The following RIN3 variants were observed in gnomAD, a reference collection of about 807,000 sequenced individuals.
RIN3 encodes RAB5 interacting protein 3.
RIN3 carries 54 observed loss-of-function variants against 76.3 expected under a neutral mutation model. The observed-to-expected ratio is 0.71, with a 90% CI of 0.57 to 0.89. RIN3 has a LOEUF of 0.89. Ranked by LOEUF, RIN3 falls within the 40% of genes least tolerant of loss-of-function variation. The pLI is 0.00. For synonymous variants in RIN3, 576 were observed against 564.0 expected (o/e 1.02, Z -0.30); for missense variants, 1,256 against 1,322.1 (o/e 0.95, Z 0.78).
intron 8 of RIN3, among the ~76,000 whole-genome samples, chr14:92,684,438 A>G (rs975707331): frequency 4.0e-5 from 6 of 151,708 alleles, no homozygotes; most frequent in Non-Finnish European, 8.8e-5. Context: ...AAAGTGTTGA[A>G]TATCTCATGT....
chr14:92,598,470 T>C (rs2140085329), intron 3 of RIN3, among the ~76,000 whole-genome samples: 1 of 152,378 alleles, frequency 6.6e-6, no homozygotes, highest in African/African-American at 2.4e-5. Context: ...TAGCTATTAT[T>C]CTAAGCCACT....
chr14:92,518,789 C>CTGTGTGTGTG (rs61124300), intron 1 of RIN3, among the ~76,000 whole-genome samples: 26,297 of 128,182 alleles, frequency 0.21, 3,176 homozygotes, highest in Admixed American at 0.22. Context: ...TAAGGGTGGC[C>CTGTGTGTGTG]TGTGTGTGTG....
At chr14:92,675,856 C>T (rs1282896233) in intron 7 of RIN3, among the ~76,000 whole-genome samples, 2 of 152,150 alleles carry the variant, frequency 1.3e-5, no homozygotes, top group Non-Finnish European at 2.9e-5. Context: ...CCATCTGCCA[C>T]GCAAAGTGTC....
intron 3 of RIN3, among the ~76,000 whole-genome samples, chr14:92,597,855 G>T (rs1431900331): frequency 1.3e-5 from 2 of 152,164 alleles, no homozygotes; most frequent in Non-Finnish European, 2.9e-5. Flanking sequence ...CTGAGACTTT[G>T]CTGGGTGCTC....
At chr14:92,561,020 T>TAAAAAA (rs1324990452) in intron 2 of RIN3, among the ~76,000 whole-genome samples, 4 of 23,648 alleles carry the variant, frequency 1.7e-4, no homozygotes, top group Non-Finnish European at 2.3e-4. Context: ...AAACTCTGTC[T>TAAAAAA]AAAAAAAAAA....
rs145583817 is a variant in RIN3, at chr14:92,670,284, C to G, written c.2336-6191C>G. 4.7e-4 allele frequency among the ~76,000 whole-genome samples: 72 copies of G among 152,286 alleles called. No individual in the cohort carries two copies. In the Middle Eastern group the frequency reaches 0.014, roughly 29 times the overall value. ...TGATCAGCTACCTACAGATGGCAAA[C>G]AGATGTGACTTGGCAAAAAAGAAAG... is the stretch of plus-strand genomic sequence containing the variant. On this transcript the variant is annotated intron_variant, in intron 7 of 9. Coordinates refer to ENST00000216487, the MANE Select transcript of RIN3 (RefSeq NM_024832.5).
At chr14:92,557,949 G>A (rs1897644065) in intron 2 of RIN3, among the ~76,000 whole-genome samples, 1 of 152,248 alleles carries the variant, frequency 6.6e-6, no homozygotes, top group South Asian at 2.1e-4. Context: ...GTGTGGATGG[G>A]AATTACCAGA....
Position 92,601,973 on chromosome 14 carries a change from T to A in RIN3, c.368-13434T>A, listed in dbSNP as rs150046453. On this transcript the variant is annotated intron_variant, in intron 3 of 9. Transcript: ENST00000216487. ...TTTTAGAAAGCCTCATCTACGCACT[T>A]GCTCAATACGAAGAGCAGCTTCCAA... Among the ~76,000 whole-genome samples, 4 of 152,354 alleles carry A rather than the reference T, an allele frequency of 2.6e-5. No individual in the cohort carries two copies. The East Asian group carries it at 7.7e-4, about 29-fold the overall frequency.
At chr14:92,530,081 A>C (rs1224726109) in intron 1 of RIN3, among the ~76,000 whole-genome samples, 1 of 152,234 alleles carries the variant, frequency 6.6e-6, no homozygotes, top group Non-Finnish European at 1.5e-5. Flanking sequence ...AAACAAAACC[A>C]CAATGAATGA....
rs564184495 is a variant in RIN3, at chr14:92,665,682, C to CT, written c.2335+6216dup. Among the ~76,000 whole-genome samples the CT allele has an allele frequency of 1.2e-4, 19 of 152,172 alleles. 1 individual carries two copies. The East Asian group carries it at 3.1e-3, about 25-fold the overall frequency. On this transcript the variant is annotated intron_variant, in intron 7 of 9. Coordinates refer to ENST00000216487, the MANE Select transcript of RIN3 (RefSeq NM_024832.5). The stretch of plus-strand genomic sequence containing the variant: ...AAGCGTGAGCCACCGCGCCTGGACT[C>CT]TTTGTCTTTAATGATATTGATGTTT...
rs1887662261 is a variant in RIN3 at position 92,656,248 on chromosome 14, CG to C, written c.2027-2912del. Among the ~76,000 whole-genome samples, 1 of 152,106 alleles carries C rather than the reference CG, an allele frequency of 6.6e-6. No homozygotes were observed. The highest frequency in any genetic ancestry group is 6.5e-5 in the Admixed American group (1 of 15,280). The stretch of plus-strand genomic sequence containing the variant: ...CTTTCCTTCCGGAAAGGGATGACAG[CG>C]TGGACAAAGGCCGAGAGGTGGGGAA... On this transcript the variant is annotated intron_variant, in intron 6 of 9. Coordinates refer to ENST00000216487, the MANE Select transcript of RIN3 (RefSeq NM_024832.5). The surrounding 1 kb of genome is among the most constrained non-coding windows in gnomAD (Gnocchi z 5.2).
At chr14:92,527,887 C>T (rs1178445382) in intron 1 of RIN3, among the ~76,000 whole-genome samples, 1 of 152,120 alleles carries the variant, frequency 6.6e-6, no homozygotes, top group Non-Finnish European at 1.5e-5. Context: ...TGTGTTTATC[C>T]CTTCCCCGCT....
chr14:92,671,775 C>T (rs1368441771), intron 7 of RIN3, among the ~76,000 whole-genome samples: 6 of 152,312 alleles, frequency 3.9e-5, no homozygotes, highest in East Asian at 1.9e-4. Context: ...GTTTCTCACC[C>T]GTGGCCCTGT....
At chr14:92,578,220 AGG>A (rs1898314777) in intron 3 of RIN3, among the ~76,000 whole-genome samples, 5 of 150,464 alleles carry the variant, frequency 3.3e-5, no homozygotes. Context: ...TGGGTGACAG[AGG>A]GAGATCTGGC....
At chr14:92,594,662 A>G (rs928981984) in intron 3 of RIN3, among the ~76,000 whole-genome samples, 18 of 152,258 alleles carry the variant, frequency 1.2e-4, no homozygotes, top group Non-Finnish European at 2.1e-4. Flanking sequence ...GATGCAGTGA[A>G]AACAGTGCTT....
chr14:92,604,561 G>C (rs530326357), intron 3 of RIN3, among the ~76,000 whole-genome samples: 1 of 152,188 alleles, frequency 6.6e-6, no homozygotes, highest in East Asian at 1.9e-4. Flanking sequence ...AGAAACTCCT[G>C]TCTCCTGTAG....
intron 7 of RIN3, among the ~76,000 whole-genome samples, chr14:92,660,855 A>G (rs559682060): frequency 6.6e-6 from 1 of 152,336 alleles, no homozygotes; most frequent in Non-Finnish European, 1.5e-5. Flanking sequence ...GCACAGCTCA[A>G]TGAAGAGAAT....
Position 92,517,923 on chromosome 14 carries a change from G to A in RIN3, c.44+3947G>A, listed in dbSNP as rs146815018. 2.8e-3 allele frequency among the ~76,000 whole-genome samples: 427 copies of A among 152,262 alleles called. 2 individuals are homozygous for A. Among genetic ancestry groups the A allele is most frequent in the African/African-American group, 9.8e-3 (406 of 41,542 alleles). On this transcript the variant is annotated intron_variant, in intron 1 of 9. Transcript: ENST00000216487. ...CCTAATTGCCCTCAGGTGACATGCTGTCCTATTTAAAAGGTCCCTCAAGAA... is the reference window on the plus strand; with the variant it reads ...CCTAATTGCCCTCAGGTGACATGCTATCCTATTTAAAAGGTCCCTCAAGAA...
At chr14:92,592,867 T>G (rs2140079183) in intron 3 of RIN3, among the ~76,000 whole-genome samples, 1 of 151,894 alleles carries the variant, frequency 6.6e-6, no homozygotes, top group Non-Finnish European at 1.5e-5. Flanking sequence ...AGAGATGGGG[T>G]TTCGCCATGT....
Sources: gnomAD v4.1 joint callset for allele counts (sites outside exome capture counted in the v4.1 genomes callset) on GRCh38, gnomAD v4.1.1 for gene constraint, Gnocchi (gnomAD v3.1) non-coding constraint, MANE v1.5 for transcripts, NCBI Gene and HGNC (gene_info 2026-07-23, HGNC 2026-07-21) for gene names.